Variants in RUNX2 observed in about 807,000 individuals in gnomAD.
RUNX2 encodes RUNX family transcription factor 2, also known as runt-related transcription factor 2.
RUNX2 carries 10 observed loss-of-function variants against 51.7 expected under a neutral mutation model. The observed-to-expected ratio is 0.19, with a 90% confidence interval of 0.12 to 0.33. The LOEUF is 0.33. Among genes scored for constraint, RUNX2 ranks in the 10% least tolerant of loss-of-function variants. The pLI is 1.00. For missense variants in RUNX2, 562 were observed against 691.3 expected, an observed-to-expected ratio of 0.81 and a Z score of 2.10; for synonymous variants, 276 against 273.6, an observed-to-expected ratio of 1.01 and a Z score of -0.09.
intron 2 of RUNX2, among the ~76,000 whole-genome samples, chr6:45,374,033 C>T (rs1256122536): frequency 2.0e-5 from 3 of 152,060 alleles, no homozygotes; most frequent in Admixed American, 6.6e-5. Context: ...TAAAGTAAGA[C>T]GATAATTTTT....
At chr6:45,521,715 GT>G (rs1334460439) in intron 7 of RUNX2, among the ~76,000 whole-genome samples, 1 of 151,774 alleles carries the variant, frequency 6.6e-6, no homozygotes, top group Non-Finnish European at 1.5e-5. Context: ...ACCTCTGCCT[GT>G]TTTTTTTGAC....
intron 7 of RUNX2, among the ~76,000 whole-genome samples, chr6:45,540,955 G>A (rs1412877027): frequency 6.6e-6 from 1 of 152,188 alleles, no homozygotes. Context: ...AATAATGCTT[G>A]GGAATAGCTT....
At chr6:45,498,602 T>C (rs950250700) in intron 6 of RUNX2, among the ~76,000 whole-genome samples, 6 of 152,216 alleles carry the variant, frequency 3.9e-5, no homozygotes, top group Non-Finnish European at 7.3e-5. Flanking sequence ...GGCATGTATT[T>C]AAGGTAAAAA....
chr6:45,389,230 A>T (rs1274470387), intron 2 of RUNX2, among the ~76,000 whole-genome samples: 1 of 152,232 alleles, frequency 6.6e-6, no homozygotes, highest in African/African-American at 2.4e-5. Context: ...TGTGATTTTT[A>T]TATTGCATAC....
At chr6:45,441,920 A>G (rs889369979) in intron 5 of RUNX2, among the ~76,000 whole-genome samples, 10 of 152,224 alleles carry the variant, frequency 6.6e-5, no homozygotes, top group South Asian at 2.1e-4. Context: ...TCATCCTTCT[A>G]TGTTTTCTGT....
chr6:45,451,887 T>C (rs569257731), intron 5 of RUNX2, among the ~76,000 whole-genome samples: 26 of 152,296 alleles, frequency 1.7e-4, no homozygotes, highest in Admixed American at 7.2e-4. Flanking sequence ...TGTTTTCCAT[T>C]ATAATTCTGA....
At chr6:45,545,313 A>AGGGCT (rs1308856325) in intron 8 of RUNX2, 31 bp downstream of exon 8, 8 of 970,620 alleles carry the variant, frequency 8.2e-6, no homozygotes, top group East Asian at 4.4e-5. Context: ...TGGGCTGGGC[A>AGGGCT]GGGCTGGGCT....
At chr6:45,510,076 C>T (rs1000424706) in intron 6 of RUNX2, among the ~76,000 whole-genome samples, 2 of 152,118 alleles carry the variant, frequency 1.3e-5, no homozygotes, top group Non-Finnish European at 2.9e-5. Context: ...GATCATTTAC[C>T]GTTTCTCTGA....
chr6:45,357,049 C>T (rs551184185), intron 2 of RUNX2, among the ~76,000 whole-genome samples: 1 of 152,292 alleles, frequency 6.6e-6, no homozygotes, highest in African/African-American at 2.4e-5. Context: ...CTCTGTCGCC[C>T]AGGCTGGAGT....
intron 2 of RUNX2, among the ~76,000 whole-genome samples, chr6:45,360,669 A>AT (rs1487084266): frequency 6.6e-6 from 1 of 152,220 alleles, no homozygotes; most frequent in African/African-American, 2.4e-5. Flanking sequence ...CAATGAATAA[A>AT]TGGTCATTGC....
At chr6:45,523,826 G>A (rs1308900746) in intron 7 of RUNX2, among the ~76,000 whole-genome samples, 4 of 151,912 alleles carry the variant, frequency 2.6e-5, no homozygotes, top group Non-Finnish European at 5.9e-5. Flanking sequence ...CAGCTACTCA[G>A]GAAGTTGATG....
chr6:45,389,405 C>T (rs1462905099), intron 2 of RUNX2, among the ~76,000 whole-genome samples: 4 of 152,160 alleles, frequency 2.6e-5, no homozygotes, highest in African/African-American at 9.7e-5. Flanking sequence ...ATCATAAAGA[C>T]TCATTTTTCA....
chr6:45,337,033 C>A (rs1788705873), intron 2 of RUNX2, among the ~76,000 whole-genome samples: 1 of 151,582 alleles, frequency 6.6e-6, no homozygotes, highest in Non-Finnish European at 1.5e-5. Context: ...ACAAAAAATG[C>A]AAGCAAATGC....
At chr6:45,378,782 G>A (rs927181077) in intron 2 of RUNX2, among the ~76,000 whole-genome samples, 2 of 151,734 alleles carry the variant, frequency 1.3e-5, no homozygotes, top group Non-Finnish European at 2.9e-5. Flanking sequence ...TATAGATGTA[G>A]TTCTTTAAAT....
chr6:45,434,480 C>T (rs903422323), intron 4 of RUNX2, among the ~76,000 whole-genome samples: 11 of 151,828 alleles, frequency 7.2e-5, no homozygotes, highest in African/African-American at 2.4e-4. Context: ...AACATAAACT[C>T]TCAGAAACTG....
chr6:45,424,745 C>T (rs1016588113), intron 3 of RUNX2, among the ~76,000 whole-genome samples: 3 of 152,008 alleles, frequency 2.0e-5, no homozygotes, highest in African/African-American at 7.3e-5. Context: ...TATATCAGAA[C>T]AGAAATCAGA....
At chr6:45,357,576 G>A (rs911166956) in intron 2 of RUNX2, among the ~76,000 whole-genome samples, 1 of 151,930 alleles carries the variant, frequency 6.6e-6, no homozygotes, top group African/African-American at 2.4e-5. Flanking sequence ...CTCCCCTGAC[G>A]TCAGCCCCTC....
intron 5 of RUNX2, among the ~76,000 whole-genome samples, chr6:45,487,830 C>T (rs1021868178): frequency 6.6e-6 from 1 of 152,148 alleles, no homozygotes. Flanking sequence ...ATGAGACTTA[C>T]AGTCTTACAG....
At chr6:45,375,785 T>C (rs1796694321) in intron 2 of RUNX2, among the ~76,000 whole-genome samples, 1 of 149,998 alleles carries the variant, frequency 6.7e-6, no homozygotes, top group African/African-American at 2.5e-5. Context: ...TATTTGTTCT[T>C]TTAGTTTTAT....
Sources: gnomAD v4.1 joint callset for allele counts (sites outside exome capture counted in the v4.1 genomes callset) on GRCh38, gnomAD v4.1.1 for gene constraint, MANE v1.5 for transcripts, NCBI Gene and HGNC (gene_info 2026-07-23, HGNC 2026-07-21) for gene names.